The following CA8 variants were observed in gnomAD, a reference collection of about 807,000 sequenced individuals.
CA8 encodes carbonic anhydrase 8 (inactive), also known as carbonic anhydrase-related protein.
CA8 carries 22 observed loss-of-function variants against 41.4 expected under a neutral mutation model. The observed-to-expected ratio is 0.53, with a 90% CI of 0.38 to 0.76. The LOEUF is 0.76. Ranked by LOEUF, CA8 falls within the 30% of genes least tolerant of loss-of-function variation. The pLI is 0.00. For missense variants in CA8, 270 were observed against 352.8 expected (o/e 0.77, Z 1.88); for synonymous variants, 121 against 130.6 (o/e 0.93, Z 0.50).
intron 2 of CA8, among the ~76,000 whole-genome samples, chr8:60,266,270 C>G (rs549460730): frequency 6.6e-6 from 1 of 152,262 alleles, no homozygotes; most frequent in African/African-American, 2.4e-5. Flanking sequence ...AAGTTCAAAA[C>G]CTCTGAAAAA....
Position 60,193,662 on chromosome 8 carries a change from T to C in CA8, c.*36-3677A>G, listed in dbSNP as rs965236996. Among the ~76,000 whole-genome samples the C allele has an allele frequency of 3.3e-5, 5 of 152,230 alleles. No individual in the cohort carries two copies. In the South Asian group the frequency reaches 6.2e-4, roughly 19 times the overall value. On this transcript the variant is annotated intron_variant, in intron 8 of 8. Coordinates refer to ENST00000317995, the MANE Select transcript of CA8 (RefSeq NM_004056.6). ...GCGTTGCTTTTGAGAAGTCTGGTAT[T>C]CAAATTCCAGATTCCTTGATTTTGA...
At chr8:60,260,983 G>C (rs1023286245) in intron 3 of CA8, among the ~76,000 whole-genome samples, 3 of 151,950 alleles carry the variant, frequency 2.0e-5, no homozygotes, top group Admixed American at 6.6e-5. Flanking sequence ...AATCTTTCTG[G>C]GAGGTGAACA....
At chr8:60,278,015 A>T (rs1201181154) in intron 2 of CA8, among the ~76,000 whole-genome samples, 1 of 152,184 alleles carries the variant, frequency 6.6e-6, no homozygotes, top group African/African-American at 2.4e-5. Flanking sequence ...AAGAAGGAGG[A>T]AGAGAAAAGC....
chr8:60,276,760 T>C (rs1006460495), intron 2 of CA8, among the ~76,000 whole-genome samples: 3 of 152,130 alleles, frequency 2.0e-5, no homozygotes, highest in Admixed American at 6.5e-5. Context: ...TATACAGATT[T>C]TTAAAATTAA....
chr8:60,266,893 AT>A (rs1803917403), intron 2 of CA8, among the ~76,000 whole-genome samples: 1 of 152,216 alleles, frequency 6.6e-6, no homozygotes. Flanking sequence ...AACTCAGGGC[AT>A]TTTTCCTCTA....
rs754359811 is a variant in CA8 at position 60,232,384 on chromosome 8, G to A, written c.418-5C>T. On this transcript the variant is annotated splice_region_variant and splice_polypyrimidine_tract_variant and intron_variant, in intron 3 of 8. Coordinates refer to ENST00000317995, the MANE Select transcript of CA8 (RefSeq NM_004056.6). ...GTTCCAGTGGATCAGATGGAGCTGAGTGAGTGGCAACAGACAGACCACATC... is the reference window on the plus strand; with the variant it reads ...GTTCCAGTGGATCAGATGGAGCTGAATGAGTGGCAACAGACAGACCACATC... 2 of 1,599,782 alleles carry A rather than the reference G, an allele frequency of 1.3e-6. No individual in the cohort carries two copies. Among genetic ancestry groups the A allele is most frequent in the South Asian group, 1.1e-5 (1 of 90,802 alleles).
intron 3 of CA8, among the ~76,000 whole-genome samples, chr8:60,233,658 T>C (rs1326132712): frequency 6.6e-6 from 1 of 152,238 alleles, no homozygotes; most frequent in Non-Finnish European, 1.5e-5. Context: ...GTCCTAGTGG[T>C]AGAGGTAAGA....
chr8:60,211,919 A>G (rs1293247397), intron 7 of CA8, among the ~76,000 whole-genome samples: 1 of 152,248 alleles, frequency 6.6e-6, no homozygotes, highest in Non-Finnish European at 1.5e-5. Context: ...ATATTTCAGG[A>G]TAGAAATCTT....
chr8:60,272,136 A>G (rs1344252895), intron 2 of CA8, among the ~76,000 whole-genome samples: 3 of 152,170 alleles, frequency 2.0e-5, no homozygotes, highest in African/African-American at 7.2e-5. Context: ...GCTCCATCCA[A>G]GCCATCTCTC....
chr8:60,195,350 G>A (rs1806251502), intron 8 of CA8, among the ~76,000 whole-genome samples: 1 of 152,132 alleles, frequency 6.6e-6, no homozygotes, highest in Non-Finnish European at 1.5e-5. Context: ...ATCACTACTG[G>A]AGAATTTCCT....
chr8:60,209,151 C>A (rs1370003053), intron 7 of CA8, among the ~76,000 whole-genome samples: 6 of 152,132 alleles, frequency 3.9e-5, no homozygotes, highest in Non-Finnish European at 8.8e-5. Context: ...GATCTCTGAA[C>A]AACTCAAATA....
At chr8:60,249,746 T>C (rs1808381317) in intron 3 of CA8, among the ~76,000 whole-genome samples, 1 of 152,206 alleles carries the variant, frequency 6.6e-6, no homozygotes, top group South Asian at 2.1e-4. Flanking sequence ...CAACTATGAA[T>C]GATCATAAAA....
intron 6 of CA8, among the ~76,000 whole-genome samples, chr8:60,222,993 T>C (rs1249323004): frequency 6.6e-6 from 1 of 152,254 alleles, no homozygotes; most frequent in East Asian, 1.9e-4. Context: ...TGGATTACTA[T>C]AGATACCTGT....
At chr8:60,211,139 G>T (rs1585856322) in intron 7 of CA8, among the ~76,000 whole-genome samples, 2 of 152,128 alleles carry the variant, frequency 1.3e-5, no homozygotes, top group Non-Finnish European at 2.9e-5. Flanking sequence ...GTGTATAACA[G>T]ACATAATAAT....
chr8:60,203,078 G>GTAA (rs1806478717), intron 8 of CA8, among the ~76,000 whole-genome samples: 2 of 152,094 alleles, frequency 1.3e-5, no homozygotes, highest in Non-Finnish European at 2.9e-5. Context: ...AAGCAAAGAA[G>GTAA]GATTAGTAAG....
At chr8:60,242,882 G>A (rs1482405771) in intron 3 of CA8, among the ~76,000 whole-genome samples, 1 of 152,196 alleles carries the variant, frequency 6.6e-6, no homozygotes, top group Admixed American at 6.5e-5. Flanking sequence ...ACACAGTTAT[G>A]GTCACTTACC....
At chr8:60,259,739 GC>G (rs201731059) in intron 3 of CA8, among the ~76,000 whole-genome samples, 16 of 147,448 alleles carry the variant, frequency 1.1e-4, no homozygotes, top group African/African-American at 4.0e-4. Context: ...AAATTTGTTT[GC>G]TTTTTTTTTT....
chr8:60,223,600 A>G (rs967614963), intron 6 of CA8, among the ~76,000 whole-genome samples: 1 of 152,198 alleles, frequency 6.6e-6, no homozygotes, highest in African/African-American at 2.4e-5. Flanking sequence ...TGTATTTTTA[A>G]CCATTCAGTT....
At chr8:60,195,019 A>G (rs1252358296) in intron 8 of CA8, among the ~76,000 whole-genome samples, 2 of 152,224 alleles carry the variant, frequency 1.3e-5, no homozygotes, top group Non-Finnish European at 2.9e-5. Context: ...ATCAGAATAC[A>G]AATTTATTTG....
Sources: gnomAD v4.1 joint callset for allele counts (sites outside exome capture counted in the v4.1 genomes callset) on GRCh38, gnomAD v4.1.1 for gene constraint, MANE v1.5 for transcripts, NCBI Gene and HGNC (gene_info 2026-07-23, HGNC 2026-07-21) for gene names.